Variants in RNF128 observed in about 807,000 individuals in gnomAD.
The protein encoded by RNF128 is E3 ubiquitin-protein ligase RNF128.
A neutral mutation model predicts 26.2 loss-of-function variants in RNF128; 13 were observed. That is an observed-to-expected ratio of 0.50 (90% CI 0.32 to 0.79). The LOEUF (loss-of-function observed/expected upper bound fraction) is 0.79, where lower values mean the gene tolerates loss of function less well. RNF128 is among the 30% of genes least tolerant of loss of function. The pLI is 0.03. For missense variants in RNF128, 315 were observed against 349.7 expected, an observed-to-expected ratio of 0.90 and a Z score of 0.79; for synonymous variants, 149 against 142.5, an observed-to-expected ratio of 1.05 and a Z score of -0.32.
At chrX:106,767,738 C>A (rs1930280164) in intron 1 of RNF128, among the ~76,000 whole-genome samples, 1 of 111,484 alleles carries the variant, frequency 9.0e-6, no homozygotes, top group Non-Finnish European at 1.9e-5. Context: ...CTGGCTAGAA[C>A]TTCCAACACT....
intron 1 of RNF128, among the ~76,000 whole-genome samples, chrX:106,711,376 A>G (rs756464893): frequency 8.0e-5 from 9 of 112,526 alleles, no homozygotes; most frequent in Non-Finnish European, 1.7e-4. Flanking sequence ...AAACACAGGA[A>G]AGTTCCTAAG....
upstream of RNF128, among the ~76,000 whole-genome samples, chrX:106,723,668 C>G (rs903523382): frequency 3.6e-5 from 4 of 110,974 alleles, no homozygotes; most frequent in Non-Finnish European, 7.5e-5. Context: ...TCCACCTTTG[C>G]AACTTTATAT....
At chrX:106,694,903 T>C (rs1928851397) in intron 1 of RNF128, among the ~76,000 whole-genome samples, 1 of 111,451 alleles carries the variant, frequency 9.0e-6, no homozygotes, top group African/African-American at 3.2e-5. Flanking sequence ...TTGTAAGATT[T>C]GAATCTTTTT....
intron 1 of RNF128, among the ~76,000 whole-genome samples, chrX:106,768,931 GT>G (rs1930309895): frequency 8.9e-6 from 1 of 111,978 alleles, no homozygotes. Context: ...GTTCTCATTG[GT>G]TTCAAAGAAC....
At chrX:106,733,326 C>G (rs138476308) in intron 1 of RNF128, among the ~76,000 whole-genome samples, 4 of 111,014 alleles carry the variant, frequency 3.6e-5, no homozygotes, top group Non-Finnish European at 5.7e-5. Context: ...ACTTTTCCCC[C>G]CTCAGTCCCT....
At chrX:106,773,481 A>G (rs1370358410) in intron 2 of RNF128, among the ~76,000 whole-genome samples, 1 of 111,543 alleles carries the variant, frequency 9.0e-6, no homozygotes, top group Non-Finnish European at 1.9e-5. Context: ...TTCATACTCA[A>G]TATAGAAAAC....
At chrX:106,767,350 G>A (rs1019934365) in intron 1 of RNF128, among the ~76,000 whole-genome samples, 4 of 111,891 alleles carry the variant, frequency 3.6e-5, no homozygotes, top group Non-Finnish European at 7.5e-5. Context: ...CCATGAACAC[G>A]GAATGTTCTT....
intron 4 of RNF128, among the ~76,000 whole-genome samples, chrX:106,788,397 T>TATATAATATATA (rs1569445323): frequency 2.4e-5 from 1 of 41,481 alleles, no homozygotes; most frequent in African/African-American, 1.5e-4. Context: ...TAATATATAT[T>TATATAATATATA]ATATATAATA....
chrX:106,767,109 G>A (rs1930264386), intron 1 of RNF128, among the ~76,000 whole-genome samples: 1 of 111,648 alleles, frequency 9.0e-6, no homozygotes, highest in African/African-American at 3.3e-5. Flanking sequence ...TGCTATTTTG[G>A]TTACTGTAGC....
chrX:106,700,722 G>T (rs1928944474), intron 1 of RNF128, among the ~76,000 whole-genome samples: 1 of 111,381 alleles, frequency 9.0e-6, no homozygotes, highest in Admixed American at 9.5e-5. Flanking sequence ...TAACCTTTCA[G>T]ACTTTTTCTA....
chrX:106,715,037 G>T (rs1040222541), intron 1 of RNF128, among the ~76,000 whole-genome samples: 1 of 111,787 alleles, frequency 8.9e-6, no homozygotes, highest in Admixed American at 9.5e-5. Flanking sequence ...TTCTGTGAAT[G>T]TAATTTTTCA....
At chrX:106,693,989 CAAAT>C (rs763676743) in exon 1 of RNF128, 50 of 1,170,810 alleles carry the variant, frequency 4.3e-5, no homozygotes, top group Middle Eastern at 2.4e-4. Context: ...ATTTTATACT[CAAAT>C]GAATGAGCAA....
At chrX:106,771,631 G>T (rs180878826) in intron 1 of RNF128, among the ~76,000 whole-genome samples, 1 of 112,494 alleles carries the variant, frequency 8.9e-6, no homozygotes. Flanking sequence ...GGAGTGTCCC[G>T]ATTTTCCAGG....
rs781036853 is a variant in RNF128 at position 106,735,914 on chromosome X, C to T, written c.484+8517C>T. ...AGCTTTTTTTACCCTCCCCCCAACA[C>T]ACACACACATAAAAAAATGCACATT... On this transcript the variant is annotated intron_variant, in intron 1 of 6. Coordinates refer to ENST00000255499, the MANE Select transcript of RNF128 (RefSeq NM_194463.2). Among the ~76,000 whole-genome samples, 11 of 110,668 alleles carry T rather than the reference C, an allele frequency of 9.9e-5. No individual in the cohort carries two copies. The East Asian group carries it at 3.1e-3, about 31-fold the overall frequency.
At chrX:106,695,379 A>G (rs184441064) in intron 1 of RNF128, among the ~76,000 whole-genome samples, 34 of 112,210 alleles carry the variant, frequency 3.0e-4, no homozygotes, top group African/African-American at 1.1e-3. Context: ...AAAGGAGAAA[A>G]TCAAACTTAT....
intron 6 of RNF128, among the ~76,000 whole-genome samples, chrX:106,794,095 C>T (rs1242856573): frequency 2.7e-5 from 3 of 111,255 alleles, no homozygotes; most frequent in Non-Finnish European, 5.7e-5. Context: ...ATTCTTTGTA[C>T]ATTTATTGAT....
chrX:106,719,313 T>C (rs1423249761), intron 1 of RNF128, among the ~76,000 whole-genome samples: 1 of 110,185 alleles, frequency 9.1e-6, no homozygotes, highest in South Asian at 4.0e-4. Context: ...TCCCCCACCC[T>C]GGGTTCAAGT....
intron 5 of RNF128, among the ~76,000 whole-genome samples, chrX:106,790,757 G>C (rs1477475457): frequency 9.1e-6 from 1 of 110,263 alleles, no homozygotes; most frequent in East Asian, 2.8e-4. Flanking sequence ...GTTCCATAGG[G>C]GACAGCATGA....
chrX:106,789,209 T>C (rs1468707344), intron 4 of RNF128, among the ~76,000 whole-genome samples: 2 of 93,958 alleles, frequency 2.1e-5, no homozygotes, highest in Non-Finnish European at 4.2e-5. Context: ...ATATATATAA[T>C]ACATATATAT....
Sources: allele counts gnomAD v4.1 joint callset (sites outside exome capture counted in the v4.1 genomes callset), GRCh38; gene constraint gnomAD v4.1.1; transcripts MANE v1.5; gene names NCBI Gene and HGNC (gene_info 2026-07-23, HGNC 2026-07-21).